Variants in CCDC85C observed in about 807,000 individuals in gnomAD.
The protein encoded by CCDC85C is coiled-coil domain containing 85C.
A neutral mutation model predicts 38.3 loss-of-function variants in CCDC85C; 18 were observed. The observed-to-expected ratio is 0.47, with a 90% CI of 0.33 to 0.70. The LOEUF is 0.70. Among genes scored for constraint, CCDC85C ranks in the 30% least tolerant of loss-of-function variants. CCDC85C has a pLI of 0.03. For synonymous variants in CCDC85C, 264 were observed against 293.8 expected (o/e 0.90, Z 1.04); for missense variants, 566 against 621.2 (o/e 0.91, Z 0.94).
intron 1 of CCDC85C, among the ~76,000 whole-genome samples, chr14:99,536,347 G>C (rs1296583740): frequency 6.6e-6 from 1 of 152,224 alleles, no homozygotes; most frequent in East Asian, 1.9e-4. Flanking sequence ...ACCCGCTGCT[G>C]CCCTCGCTGT....
intron 1 of CCDC85C, among the ~76,000 whole-genome samples, chr14:99,570,825 AAGG>A (rs1898322681): frequency 6.6e-6 from 1 of 151,248 alleles, no homozygotes; most frequent in South Asian, 2.1e-4. Flanking sequence ...ATTAGCAGAA[AAGG>A]AGAAGGGCAG....
At position 99,510,031 on chromosome 14, in the gene CCDC85C, G is replaced by C. The variant is rs1301824275; in HGVS notation, c.*5215C>G. 2 of 911,726 alleles carry C rather than the reference G, an allele frequency of 2.2e-6. No individual in the cohort carries two copies. The highest frequency in any genetic ancestry group is 3.2e-6 in the Non-Finnish European group (2 of 617,026). 56.5% of individuals were successfully genotyped at this position (911,726 alleles called of 1,614,324 possible). On this transcript the variant is annotated 3_prime_UTR_variant, in exon 6 of 6. Transcript: ENST00000380243. ...GACATGGGGCATGGGCCCATGCGTT[G>C]GGCCACAGAGGAGGCGGGCAGCTGC...
At position 99,502,872 on chromosome 14, in the gene CCDC85C, C is replaced by T; in HGVS notation, c.*12374G>A. 3 of 1,613,386 alleles carry T rather than the reference C, an allele frequency of 1.9e-6. No homozygotes were observed. The highest frequency in any genetic ancestry group is 2.5e-6 in the Non-Finnish European group (3 of 1,179,554). ...CAGCCGTCTCAAAGCTCCGAACCAT[C>T]CCAGCCCCAGCAGAAGGACCCCCAG... On this transcript the variant is annotated 3_prime_UTR_variant, in exon 6 of 6. Coordinates refer to ENST00000380243, the MANE Select transcript of CCDC85C (RefSeq NM_001144995.2).
At chr14:99,591,734 C>CT (rs66657278) in intron 1 of CCDC85C, among the ~76,000 whole-genome samples, 35,460 of 130,386 alleles carry the variant, frequency 0.27, 5,409 homozygotes, top group East Asian at 0.48. Context: ...GGTTTCTTTT[C>CT]TTTTTTTTTT....
At chr14:99,530,815 G>A (rs1006699851) in intron 2 of CCDC85C, among the ~76,000 whole-genome samples, 3 of 152,364 alleles carry the variant, frequency 2.0e-5, no homozygotes, top group Non-Finnish European at 4.4e-5. Flanking sequence ...CACACAGCAG[G>A]TGAGCGCTGG....
At chr14:99,515,405 G>A (rs780914464) in intron 5 of CCDC85C, 70 bp from the exon 6 acceptor site, 16 of 1,145,240 alleles carry the variant, frequency 1.4e-5, no homozygotes, top group African/African-American at 4.6e-5. Context: ...CACATCCGCC[G>A]CCTCATCACG....
At chr14:99,517,263 T>C in intron 3 of CCDC85C, 80 bp from the exon 4 acceptor site, 1 of 1,114,718 alleles carries the variant, frequency 9.0e-7, no homozygotes. Flanking sequence ...AAGGCCCCCA[T>C]TCTGAGGGGC....
intron 2 of CCDC85C, among the ~76,000 whole-genome samples, chr14:99,531,719 A>T (rs1194632661): frequency 6.6e-6 from 1 of 151,740 alleles, no homozygotes; most frequent in Non-Finnish European, 1.5e-5. Flanking sequence ...CAACAGGAAG[A>T]GTCCCTGCTT....
chr14:99,532,383 G>A (rs1253618011), intron 2 of CCDC85C, among the ~76,000 whole-genome samples: 1 of 152,218 alleles, frequency 6.6e-6, no homozygotes, highest in Non-Finnish European at 1.5e-5. Flanking sequence ...ATCCTCCAGG[G>A]GCCTCTCTGT....
At position 99,520,987 on chromosome 14, in the gene CCDC85C, A is replaced by T. The variant is rs1056296112; in HGVS notation, c.975+1146T>A. Among the ~76,000 whole-genome samples the T allele has an allele frequency of 2.0e-5, 3 of 152,242 alleles. No homozygotes were observed. The highest frequency in any genetic ancestry group is 4.4e-5 in the Non-Finnish European group (3 of 68,050). On this transcript the variant is annotated intron_variant, in intron 3 of 5. Coordinates refer to ENST00000380243, the MANE Select transcript of CCDC85C (RefSeq NM_001144995.2). This position sits in a 1 kb window ranked among gnomAD's most constrained non-coding sequence, Gnocchi z 4.1. ...TGAGGTGTGCTCTCCAGAGGCCTGC[A>T]GGGAGACAGCATCTGGCGGGCCTGG...
chr14:99,560,984 C>G (rs537115631), intron 1 of CCDC85C, among the ~76,000 whole-genome samples: 1 of 152,350 alleles, frequency 6.6e-6, no homozygotes, highest in Admixed American at 6.5e-5. Flanking sequence ...CACTAGAAGC[C>G]TGGGCCGGGC....
At chr14:99,568,277 A>G (rs2021924) in intron 1 of CCDC85C, among the ~76,000 whole-genome samples, 65,542 of 123,238 alleles carry the variant, frequency 0.53, 18,067 homozygotes, top group African/African-American at 0.67. Flanking sequence ...TTTTGAGACA[A>G]AGTCTCACTC....
chr14:99,587,850 G>A (rs1409052134), intron 1 of CCDC85C, among the ~76,000 whole-genome samples: 1 of 152,158 alleles, frequency 6.6e-6, no homozygotes, highest in Admixed American at 6.5e-5. Context: ...CAGGCAGGGG[G>A]CCATTCTAGC....
In CCDC85C at chr14:99,504,008, G is replaced by GGGGGGCAGTA. The variant is rs200300885; in HGVS notation, c.*11228_*11237dup. ...CAAGCACCAAGCCACAGCAGATGCG[G>GGGGGGCAGTA]GGGGGCAGTAGGGGGTGGTGTGCTG... On this transcript the variant is annotated 3_prime_UTR_variant, in exon 6 of 6. Transcript: ENST00000380243. 3.0e-3 allele frequency: 1,080 copies of GGGGGGCAGTA among 360,204 alleles called. 17 individuals carry two copies. Among genetic ancestry groups the GGGGGGCAGTA allele is most frequent in the African/African-American group, 0.022 (995 of 46,214 alleles). 22.3% of individuals were successfully genotyped at this position (360,204 alleles called of 1,614,324 possible).
chr14:99,566,508 G>T (rs1443494007), intron 1 of CCDC85C, among the ~76,000 whole-genome samples: 2 of 152,268 alleles, frequency 1.3e-5, no homozygotes, highest in Admixed American at 1.3e-4. Context: ...GAGAGGTGGG[G>T]CTTCAGGTTC....
In CCDC85C at chr14:99,502,723, C is replaced by T. The variant is rs1341289635; in HGVS notation, c.*12523G>A. ...TAATTGTTGGCTATCATTTAGACAT[C>T]TGCCACCAAATCCTGGATCTTTACT... On this transcript the variant is annotated 3_prime_UTR_variant, in exon 6 of 6. Transcript: ENST00000380243. The T allele has an allele frequency of 1.2e-6, 2 of 1,612,412 alleles. No individual in the cohort carries two copies. Among genetic ancestry groups the T allele is most frequent in the Non-Finnish European group, 1.7e-6 (2 of 1,178,576 alleles).
chr14:99,542,239 C>T (rs931328390), intron 1 of CCDC85C, among the ~76,000 whole-genome samples: 6 of 152,196 alleles, frequency 3.9e-5, no homozygotes, highest in African/African-American at 9.6e-5. Flanking sequence ...CCTCATTAAA[C>T]GAACACGTAC....
rs1467269961 is a variant in CCDC85C, at chr14:99,545,198, GGCTGCCTGCCTCTCCCACACATCA to G, written c.794-9134_794-9111del. The stretch of plus-strand genomic sequence containing the variant: ...GCTCTGGGCTGGGGACTCCCACACC[GGCTGCCTGCCTCTCCCACACATCA>G]GCTGCCTGCCTCTCCCCAGCTTCAG... On this transcript the variant is annotated intron_variant, in intron 1 of 5. Transcript: ENST00000380243. This position sits in a 1 kb window ranked among gnomAD's most constrained non-coding sequence, Gnocchi z 4.7. Among the ~76,000 whole-genome samples, 39 of 152,086 alleles carry G rather than the reference GGCTGCCTGCCTCTCCCACACATCA, an allele frequency of 2.6e-4. No homozygotes were observed. Among genetic ancestry groups the G allele is most frequent in the Non-Finnish European group, 4.7e-4 (32 of 68,014 alleles).
intron 1 of CCDC85C, among the ~76,000 whole-genome samples, chr14:99,591,403 C>T (rs1043575567): frequency 1.3e-5 from 2 of 152,262 alleles, no homozygotes; most frequent in African/African-American, 4.8e-5. Context: ...GGACATCCTC[C>T]AAGAGCCTGG....
Sources: gnomAD v4.1 joint callset for allele counts (sites outside exome capture counted in the v4.1 genomes callset) on GRCh38, gnomAD v4.1.1 for gene constraint, Gnocchi (gnomAD v3.1) non-coding constraint, MANE v1.5 for transcripts, NCBI Gene and HGNC (gene_info 2026-07-23, HGNC 2026-07-21) for gene names.